The following ZNF33B variants were observed in gnomAD, a reference collection of about 807,000 sequenced individuals.
ZNF33B encodes zinc finger protein 33B, also known as zinc finger protein 11b (KOX 2).
ZNF33B carries 29 observed loss-of-function variants against 45.8 expected under a neutral mutation model. The ratio of observed to expected loss-of-function variants is 0.63; its 90% CI spans 0.47 to 0.86. ZNF33B has a LOEUF of 0.86. Among genes scored for constraint, ZNF33B ranks in the 40% least tolerant of loss-of-function variants. The pLI, the probability that ZNF33B is intolerant of heterozygous loss-of-function variation, is 0.00. For missense variants in ZNF33B, 831 were observed against 909.9 expected (o/e 0.91, Z 1.12); for synonymous variants, 305 against 307.8 (o/e 0.99, Z 0.10).
chr10:42,600,630 C>CTTTA (rs1383776130), intron 4 of ZNF33B, among the ~76,000 whole-genome samples: 1 of 152,098 alleles, frequency 6.6e-6, no homozygotes, highest in Non-Finnish European at 1.5e-5. Context: ...AAATCTCTGC[C>CTTTA]TTTAAATGGG....
chr10:42,636,911 A>T lies in ZNF33B; in HGVS notation c.9+9T>A, dbSNP rs765793487. Reference sequence around the variant, plus strand: ...GCAAAATAAAGTAGGGAATTAATAAACAACTTACCTTGTTCATTTTGTTCT... The same window carrying T: ...GCAAAATAAAGTAGGGAATTAATAATCAACTTACCTTGTTCATTTTGTTCT... On this transcript the variant is annotated intron_variant, in intron 2 of 4. Transcript: ENST00000359467. The T allele has an allele frequency of 6.5e-5, 105 of 1,614,086 alleles. No individual in the cohort carries two copies. Among genetic ancestry groups the T allele is most frequent in the Non-Finnish European group, 8.0e-5 (94 of 1,180,038 alleles).
chr10:42,602,296 C>T (rs903102573), intron 4 of ZNF33B, among the ~76,000 whole-genome samples: 5 of 149,792 alleles, frequency 3.3e-5, no homozygotes, highest in Non-Finnish European at 7.4e-5. Context: ...TTCTGTTACA[C>T]TGAATTTTGA....
intron 4 of ZNF33B, among the ~76,000 whole-genome samples, chr10:42,615,922 C>A (rs12242735): frequency 0.11 from 17,060 of 149,326 alleles, 1,160 homozygotes; most frequent in African/African-American, 0.19. Context: ...TAAGATTCTG[C>A]CTCAAAAAAA....
chr10:42,602,195 G>A (rs1262772870), intron 4 of ZNF33B, among the ~76,000 whole-genome samples: 1 of 151,924 alleles, frequency 6.6e-6, no homozygotes, highest in Admixed American at 6.6e-5. Context: ...CCAAAGTGCT[G>A]GCATTACAGG....
intron 4 of ZNF33B, among the ~76,000 whole-genome samples, chr10:42,619,786 G>T (rs1460274942): frequency 6.6e-6 from 1 of 152,000 alleles, no homozygotes; most frequent in Non-Finnish European, 1.5e-5. Flanking sequence ...AGTTATGAGG[G>T]AATCAATTTA....
chr10:42,621,817 G>C (rs907056856), intron 4 of ZNF33B, among the ~76,000 whole-genome samples: 10 of 152,000 alleles, frequency 6.6e-5, no homozygotes, highest in Non-Finnish European at 1.3e-4. Context: ...ACTTTTGCCA[G>C]TGCTATTTAA....
rs769495072 is a variant in ZNF33B, at chr10:42,594,072, T to A, written c.878A>T (p.His293Leu). ...FLCVKSTLSKHDGVPVKHYDC... is the reference protein window; with the variant it reads ...FLCVKSTLSKLDGVPVKHYDC... Reference sequence around the variant, plus strand: ...ATAGTGTTTCACAGGTACCCCATCATGTTTAGAAAGGGTGGACTTCACACA... The same window carrying A: ...ATAGTGTTTCACAGGTACCCCATCAAGTTTAGAAAGGGTGGACTTCACACA... The change falls in exon 5 of 5, where the codon CAT becomes CTT. Residue 293 changes from histidine (H) to leucine (L), a missense_variant. By Grantham distance (99) the His-to-Leu change is moderately conservative. Coordinates refer to ENST00000359467, the MANE Select transcript of ZNF33B (RefSeq NM_006955.3). 2 of 1,613,978 alleles carry A rather than the reference T, an allele frequency of 1.2e-6. No homozygotes were observed. Among genetic ancestry groups the A allele is most frequent in the African/African-American group, 2.7e-5 (2 of 74,934 alleles).
In ZNF33B at chr10:42,592,620, T is replaced by C; in HGVS notation, c.2330A>G (p.Tyr777Cys). Residue 777 changes from tyrosine to cysteine, a missense_variant, in exon 5 of 5, where the codon TAT becomes TGT. Transcript: ENST00000359467. Reference protein sequence around the residue: ...HQRTHIGEKPYE With the variant: ...HQRTHIGEKPCE ...AAATTTCTAATATCCAATTCATTCATAAGGTTTTTCTCCTATGTGTGTTCT... is the reference window on the plus strand; with the variant it reads ...AAATTTCTAATATCCAATTCATTCACAAGGTTTTTCTCCTATGTGTGTTCT... The C allele has an allele frequency of 6.2e-7, 1 of 1,611,544 alleles. No individual in the cohort carries two copies. Among genetic ancestry groups the C allele is most frequent in the Non-Finnish European group, 8.5e-7 (1 of 1,178,700 alleles).
intron 4 of ZNF33B, among the ~76,000 whole-genome samples, chr10:42,596,952 T>TTA (rs1837425218): frequency 6.6e-6 from 1 of 151,972 alleles, no homozygotes; most frequent in Non-Finnish European, 1.5e-5. Context: ...ATAGCATATA[T>TTA]TATACTATCA....
intron 2 of ZNF33B, chr10:42,632,823 T>A: frequency 4.2e-6 from 1 of 238,728 alleles, no homozygotes; most frequent in Non-Finnish European, 8.1e-6. Context: ...TAGCTGTTGG[T>A]TGAATTATGA....
intron 1 of ZNF33B, chr10:42,582,313 G>A (rs976218564): frequency 6.6e-6 from 1 of 152,166 alleles, no homozygotes; most frequent in Non-Finnish European, 1.5e-5. Context: ...GTAAGTACTG[G>A]TAATTAGTGA....
intron 4 of ZNF33B, among the ~76,000 whole-genome samples, chr10:42,624,367 T>A (rs1470851911): frequency 1.3e-5 from 2 of 152,306 alleles, no homozygotes; most frequent in East Asian, 3.9e-4. Flanking sequence ...GTATGTTCTA[T>A]CAATGTGTAT....
In ZNF33B at chr10:42,638,565, A is replaced by C; in HGVS notation, c.-136T>G. On this transcript the variant is annotated 5_prime_UTR_variant, in exon 1 of 5. Coordinates refer to ENST00000359467, the MANE Select transcript of ZNF33B (RefSeq NM_006955.3). Reference sequence around the variant, plus strand: ...CTCCCACGCAAAACGTGAGACAAACAAAAGGAAAGGCGGAAACGCAGAAAC... The same window carrying C: ...CTCCCACGCAAAACGTGAGACAAACCAAAGGAAAGGCGGAAACGCAGAAAC... 4.2e-6 allele frequency: 2 copies of C among 475,296 alleles called. No individual in the cohort carries two copies. The highest frequency in any genetic ancestry group is 8.4e-6 in the Non-Finnish European group (2 of 237,858). The allele number at this position is 475,296 out of a possible 1,614,324, so 29.4% of individuals were successfully genotyped here. A position where few individuals can be genotyped will look rare whatever the true frequency, so the allele number is the denominator to read the frequency against.
Sources: gnomAD v4.1 joint callset for allele counts (sites outside exome capture counted in the v4.1 genomes callset) on GRCh38, gnomAD v4.1.1 for gene constraint, MANE v1.5 for transcripts, NCBI Gene and HGNC (gene_info 2026-07-23, HGNC 2026-07-21) for gene names.